Variants in WDPCP observed in about 807,000 individuals in gnomAD.
WDPCP encodes the protein WD repeat containing planar cell polarity effector, also known as WD repeat-containing and planar cell polarity effector protein fritz homolog.
A neutral mutation model predicts 93.1 loss-of-function variants in WDPCP; 71 were observed. The ratio of observed to expected loss-of-function variants is 0.76; its 90% confidence interval spans 0.63 to 0.93. WDPCP has a LOEUF of 0.93. WDPCP is among the 40% of genes least tolerant of loss of function. The pLI is 0.00. For missense variants in WDPCP, 844 were observed against 887.4 expected (o/e 0.95, Z 0.62); for synonymous variants, 315 against 315.0 (o/e 1.00, Z 0.00).
chr2:63,734,243 G>C (rs1185390364), intron 2 of WDPCP, among the ~76,000 whole-genome samples: 1 of 151,988 alleles, frequency 6.6e-6, no homozygotes, highest in African/African-American at 2.4e-5. Context: ...CAAATTCCAA[G>C]TATGTGATAT....
chr2:63,652,447 G>A (rs529940451), intron 2 of WDPCP, among the ~76,000 whole-genome samples: 1 of 152,360 alleles, frequency 6.6e-6, no homozygotes, highest in African/African-American at 2.4e-5. Context: ...TTTGAGAAGA[G>A]AAGGAAAGAA....
intron 6 of WDPCP, among the ~76,000 whole-genome samples, chr2:63,482,992 A>G (rs1700358882): frequency 6.6e-6 from 1 of 151,962 alleles, no homozygotes. Flanking sequence ...GAATTAATGT[A>G]ATAGTGAGGG....
At chr2:63,370,654 T>C (rs1173412380) in intron 12 of WDPCP, among the ~76,000 whole-genome samples, 1 of 152,174 alleles carries the variant, frequency 6.6e-6, no homozygotes, top group South Asian at 2.1e-4. Context: ...GTTTACTTTA[T>C]AGGAGAAACA....
chr2:63,515,208 C>A (rs1316470860), intron 1 of WDPCP, among the ~76,000 whole-genome samples: 3 of 152,078 alleles, frequency 2.0e-5, no homozygotes, highest in Non-Finnish European at 4.4e-5. Flanking sequence ...GTATTAATTT[C>A]TTCTGGTACA....
intron 2 of WDPCP, among the ~76,000 whole-genome samples, chr2:63,723,915 A>C (rs556954260): frequency 2.0e-5 from 3 of 152,198 alleles, no homozygotes; most frequent in African/African-American, 7.2e-5. Context: ...AAAAATCTGT[A>C]CAGAGGGGCA....
chr2:63,662,804 C>T (rs1026782681), intron 2 of WDPCP, among the ~76,000 whole-genome samples: 1 of 152,220 alleles, frequency 6.6e-6, no homozygotes, highest in African/African-American at 2.4e-5. Flanking sequence ...TTCAATCATT[C>T]TTTAACCGAG....
intron 1 of WDPCP, among the ~76,000 whole-genome samples, chr2:63,500,739 C>T (rs965655446): frequency 6.6e-6 from 1 of 152,112 alleles, no homozygotes; most frequent in African/African-American, 2.4e-5. Flanking sequence ...ATGATATTGA[C>T]CTACATTTGT....
intron 2 of WDPCP, among the ~76,000 whole-genome samples, chr2:63,719,697 G>A (rs1669388561): frequency 6.6e-6 from 1 of 151,942 alleles, no homozygotes; most frequent in Non-Finnish European, 1.5e-5. Context: ...CATTCTTTTT[G>A]AGCGTATGAA....
At chr2:63,288,533 A>T (rs981577910) in intron 13 of WDPCP, among the ~76,000 whole-genome samples, 3 of 152,226 alleles carry the variant, frequency 2.0e-5, no homozygotes, top group African/African-American at 7.2e-5. Flanking sequence ...AGTAATCTCA[A>T]AGATACAGAA....
intron 17 of WDPCP, among the ~76,000 whole-genome samples, chr2:63,129,532 CGTT>C (rs1263749253): frequency 1.3e-5 from 2 of 152,128 alleles, no homozygotes; most frequent in East Asian, 3.8e-4. Context: ...TGTAGTTTCT[CGTT>C]GTGGTTTGAT....
chr2:63,724,805 G>C (rs769976904), intron 2 of WDPCP, among the ~76,000 whole-genome samples: 2 of 152,174 alleles, frequency 1.3e-5, no homozygotes, highest in East Asian at 1.9e-4. Flanking sequence ...TGAGAGGTTT[G>C]TCACTGAACT....
At chr2:63,542,242 A>G (rs1704797902) in intron 1 of WDPCP, among the ~76,000 whole-genome samples, 1 of 150,204 alleles carries the variant, frequency 6.7e-6, no homozygotes, top group Non-Finnish European at 1.5e-5. Flanking sequence ...GGAAGGAAGC[A>G]TTTTTTTTTT....
chr2:63,174,838 G>A lies in WDPCP; in HGVS notation c.1916-6C>T, dbSNP rs2421862. 307,383 of 1,611,916 alleles carry A rather than the reference G, an allele frequency of 0.19. 31,676 individuals are homozygous for A. The highest frequency in any genetic ancestry group is 0.23 in the Middle Eastern group (1,408 of 6,006). ...GTCCAAGGGTCCCAGGAGTTCTGTTGAAAATGATTAATATGTGAGTGAAAT... is the reference window on the plus strand; with the variant it reads ...GTCCAAGGGTCCCAGGAGTTCTGTTAAAAATGATTAATATGTGAGTGAAAT... On this transcript the variant is annotated splice_polypyrimidine_tract_variant and splice_region_variant and intron_variant, in intron 14 of 17. Coordinates refer to ENST00000272321, the MANE Select transcript of WDPCP (RefSeq NM_015910.7).
At chr2:63,712,146 C>T (rs1485937370) in intron 2 of WDPCP, among the ~76,000 whole-genome samples, 1 of 152,156 alleles carries the variant, frequency 6.6e-6, no homozygotes, top group East Asian at 1.9e-4. Flanking sequence ...GAGCTTCGCA[C>T]ATTTACCAAA....
intron 6 of WDPCP, among the ~76,000 whole-genome samples, chr2:63,460,269 G>A (rs533338562): frequency 3.7e-4 from 56 of 152,206 alleles, no homozygotes; most frequent in African/African-American, 1.3e-3. Flanking sequence ...ACTCATATAT[G>A]GGAGCTAAAA....
chr2:63,528,185 T>C (rs1338577751), intron 1 of WDPCP, among the ~76,000 whole-genome samples: 2 of 152,172 alleles, frequency 1.3e-5, no homozygotes, highest in African/African-American at 4.8e-5. Context: ...ACCCTGATGG[T>C]AGTTTCTTTT....
At chr2:63,672,578 T>C (rs1160458323) in intron 2 of WDPCP, among the ~76,000 whole-genome samples, 1 of 152,088 alleles carries the variant, frequency 6.6e-6, no homozygotes, top group African/African-American at 2.4e-5. Flanking sequence ...TGGTAAAATA[T>C]GCATAACCTA....
rs1575763854 is a variant in WDPCP at position 63,748,262 on chromosome 2, G to A, written n.308+65360C>T. On this transcript the variant is annotated intron_variant and non_coding_transcript_variant, in intron 2 of 4. Coordinates refer to the WDPCP transcript ENST00000467687. The stretch of plus-strand genomic sequence containing the variant: ...TTATGTTTTCTTGCTTTTCTTCAGT[G>A]ACTTGTACATACAGTGTAATGTTAA... 5.3e-5 allele frequency among the ~76,000 whole-genome samples: 8 copies of A among 151,640 alleles called. No individual in the cohort carries two copies. In the South Asian group the frequency reaches 1.7e-3, roughly 32 times the overall value.
At chr2:63,404,982 T>G (rs1204221280) in intron 9 of WDPCP, among the ~76,000 whole-genome samples, 1 of 152,204 alleles carries the variant, frequency 6.6e-6, no homozygotes. Context: ...TGTTCCACAG[T>G]ACATAAAAAC....
Sources: gnomAD v4.1 joint callset for allele counts (sites outside exome capture counted in the v4.1 genomes callset) on GRCh38, gnomAD v4.1.1 for gene constraint, MANE v1.5 for transcripts, NCBI Gene and HGNC (gene_info 2026-07-23, HGNC 2026-07-21) for gene names.